Variants in MARCHF1 observed in about 807,000 individuals in gnomAD.
MARCHF1 encodes the protein membrane associated ring-CH-type finger 1, also known as E3 ubiquitin-protein ligase MARCHF1.
In MARCHF1, 40 loss-of-function variants were observed where a neutral mutation model predicts 54.2. The observed-to-expected ratio is 0.74, with a 90% confidence interval of 0.57 to 0.96. The LOEUF (loss-of-function observed/expected upper bound fraction) is 0.96, where lower values mean the gene tolerates loss of function less well. Among genes scored for constraint, MARCHF1 ranks in the 40% least tolerant of loss-of-function variants. The pLI, the probability that MARCHF1 is intolerant of heterozygous loss-of-function variation, is 0.00. For missense variants in MARCHF1, 586 were observed against 656.5 expected (o/e 0.89, Z 1.17); for synonymous variants, 236 against 236.3 (o/e 1.00, Z 0.01).
intron 1 of MARCHF1, chr4:164,189,179 A>G: frequency 3.5e-6 from 2 of 563,474 alleles, no homozygotes; most frequent in Non-Finnish European, 6.6e-6. Context: ...CATTTCATCA[A>G]GTTGTACAAA....
intron 1 of MARCHF1, among the ~76,000 whole-genome samples, chr4:164,266,699 A>G (rs1168006229): frequency 6.6e-6 from 1 of 152,214 alleles, no homozygotes; most frequent in Non-Finnish European, 1.5e-5. Flanking sequence ...GAAATCTTGC[A>G]TATGAAAACA....
At position 163,681,961 on chromosome 4, in the gene MARCHF1, C is replaced by T. The variant is rs958428091; in HGVS notation, c.162+18852G>A. ...GGGAAAGTTTGGAACTTCCTAGAGACTTGGAGGGCTCAAAAGACAGGAAGA... is the reference window on the plus strand; with the variant it reads ...GGGAAAGTTTGGAACTTCCTAGAGATTTGGAGGGCTCAAAAGACAGGAAGA... On this transcript the variant is annotated intron_variant, in intron 5 of 9. Transcript: ENST00000514618. 4.6e-5 allele frequency among the ~76,000 whole-genome samples: 7 copies of T among 152,254 alleles called. No individual in the cohort carries two copies. In the East Asian group the frequency reaches 1.4e-3, roughly 29 times the overall value.
chr4:163,672,804 C>CT (rs554304486), intron 5 of MARCHF1, among the ~76,000 whole-genome samples: 151 of 152,302 alleles, frequency 9.9e-4, no homozygotes, highest in Non-Finnish European at 1.8e-3. Flanking sequence ...ATCCAGCTCC[C>CT]TGCCTTTTCC....
intron 2 of MARCHF1, among the ~76,000 whole-genome samples, chr4:164,007,345 C>CAAAAAAAAAAAAA (rs56306052): frequency 4.9e-4 from 40 of 81,766 alleles, no homozygotes; most frequent in African/African-American, 6.0e-4. Context: ...GACTCCATCT[C>CAAAAAAAAAAAAA]AAAAAAAAAA....
intron 8 of MARCHF1, among the ~76,000 whole-genome samples, chr4:163,562,153 C>T (rs1739490212): frequency 6.6e-6 from 1 of 152,038 alleles, no homozygotes; most frequent in Non-Finnish European, 1.5e-5. Flanking sequence ...AAAAATTAGC[C>T]AGGCGTGGTG....
intron 1 of MARCHF1, among the ~76,000 whole-genome samples, chr4:164,237,813 A>G (rs13150989): frequency 0.49 from 74,606 of 151,722 alleles, 20,591 homozygotes; most frequent in Non-Finnish European, 0.64. Flanking sequence ...ATTTTTATCA[A>G]CATTAAAATG....
At chr4:163,776,368 AATTT>A (rs528224263) in intron 4 of MARCHF1, among the ~76,000 whole-genome samples, 3 of 150,766 alleles carry the variant, frequency 2.0e-5, no homozygotes, top group Admixed American at 2.0e-4. Context: ...CTCTATATAT[AATTT>A]AATTTATAAA....
intron 5 of MARCHF1, among the ~76,000 whole-genome samples, chr4:163,668,161 C>A (rs1022916847): frequency 6.6e-6 from 1 of 152,082 alleles, no homozygotes; most frequent in Non-Finnish European, 1.5e-5. Flanking sequence ...TGTAGACTAC[C>A]ATTCTTTGGG....
intron 1 of MARCHF1, among the ~76,000 whole-genome samples, chr4:164,297,036 C>T (rs185012777): frequency 2.0e-5 from 3 of 151,998 alleles, no homozygotes; most frequent in African/African-American, 4.8e-5. Context: ...GTTTCCATAC[C>T]GTTAAAATAA....
intron 9 of MARCHF1, among the ~76,000 whole-genome samples, chr4:163,533,460 A>C (rs1001229949): frequency 6.6e-6 from 1 of 151,870 alleles, no homozygotes; most frequent in African/African-American, 2.4e-5. Context: ...AAACTCATAG[A>C]ACTGTACAAC....
rs150458467 is a variant in MARCHF1, at chr4:163,599,297, T to TTATA, written c.1010+12970_1010+12973dup. ...AGAGTGAGACTCCATCTCAAAAAAA[T>TTATA]TATATATATATATATGTTTTATTTT... On this transcript the variant is annotated intron_variant, in intron 7 of 9. Coordinates refer to ENST00000514618, the MANE Select transcript of MARCHF1 (RefSeq NM_001394959.1). Among the ~76,000 whole-genome samples the TTATA allele has an allele frequency of 9.0e-3, 1,324 of 146,688 alleles. 17 individuals are homozygous for TTATA. The highest frequency in any genetic ancestry group is 0.026 in the African/African-American group (1,022 of 39,492).
chr4:164,032,295 ATTGAT>A (rs1753894493), intron 2 of MARCHF1, among the ~76,000 whole-genome samples: 1 of 152,024 alleles, frequency 6.6e-6, no homozygotes, highest in African/African-American at 2.4e-5. Flanking sequence ...TCTTGGATTC[ATTGAT>A]TTTTTTGAAG....
chr4:164,197,853 T>C lies in MARCHF1; in HGVS notation c.-322-86191A>G, dbSNP rs373544824. 5 of 1,334,494 alleles carry C rather than the reference T, an allele frequency of 3.7e-6. No individual in the cohort carries two copies. In the South Asian group the frequency reaches 7.4e-5, roughly 20 times the overall value. 82.7% of individuals were successfully genotyped at this position (1,334,494 alleles called of 1,614,324 possible). A position where few individuals can be genotyped will look rare whatever the true frequency, so the allele number is the denominator to read the frequency against. ...CGAGCCCCAATATTTACAAATATTA[T>C]AATAAAGGGACTGATAAGTAACCTG... is the stretch of plus-strand genomic sequence containing the variant. On this transcript the variant is annotated intron_variant, in intron 1 of 9. Transcript: ENST00000514618.
chr4:163,964,454 C>T (rs185166181), intron 3 of MARCHF1, among the ~76,000 whole-genome samples: 2 of 152,076 alleles, frequency 1.3e-5, no homozygotes, highest in East Asian at 3.9e-4. Flanking sequence ...TGGGCTTCAT[C>T]TTCCAGAGTT....
chr4:163,737,247 G>T, intron 4 of MARCHF1, among the ~76,000 whole-genome samples: 1 of 79,538 alleles, frequency 1.3e-5, no homozygotes, highest in Non-Finnish European at 2.8e-5. Flanking sequence ...CTAAGTTTTA[G>T]GGTACATGTG....
intron 2 of MARCHF1, among the ~76,000 whole-genome samples, chr4:164,012,504 G>A (rs1753444810): frequency 6.6e-6 from 1 of 152,130 alleles, no homozygotes; most frequent in Non-Finnish European, 1.5e-5. Context: ...GCTGACTAAA[G>A]TGGTCTTGGG....
rs1003571941 is a variant in MARCHF1 at position 164,016,364 on chromosome 4, C to A, written c.-247-27655G>T. ...CAAGAAGAGCATGGGGGAAACTGCC[C>A]CCATGATCGATCCAATCATCTCACA... On this transcript the variant is annotated intron_variant, in intron 2 of 9. Coordinates refer to ENST00000514618, the MANE Select transcript of MARCHF1 (RefSeq NM_001394959.1). Among the ~76,000 whole-genome samples, 3 of 152,116 alleles carry A rather than the reference C, an allele frequency of 2.0e-5. No individual in the cohort carries two copies. In the South Asian group the frequency reaches 6.2e-4, roughly 32 times the overall value.
At chr4:163,911,465 G>T (rs1011864283) in intron 3 of MARCHF1, among the ~76,000 whole-genome samples, 11 of 152,092 alleles carry the variant, frequency 7.2e-5, no homozygotes, top group Non-Finnish European at 1.3e-4. Context: ...AAGGCCTGAG[G>T]TGTCCACATA....
intron 4 of MARCHF1, among the ~76,000 whole-genome samples, chr4:163,701,297 G>A (rs754284126): frequency 1.2e-4 from 19 of 152,086 alleles, no homozygotes; most frequent in African/African-American, 1.9e-4. Flanking sequence ...CATCCACCTC[G>A]TATTCTTCTA....
Sources: gnomAD v4.1 joint callset for allele counts (sites outside exome capture counted in the v4.1 genomes callset) on GRCh38, gnomAD v4.1.1 for gene constraint, MANE v1.5 for transcripts, NCBI Gene and HGNC (gene_info 2026-07-23, HGNC 2026-07-21) for gene names.